The following CCDC102B variants were observed in gnomAD, a reference collection of about 807,000 sequenced individuals.
CCDC102B encodes the protein coiled-coil domain containing 102B.
CCDC102B carries 75 observed loss-of-function variants against 57.4 expected under a neutral mutation model. The observed-to-expected ratio is 1.31, with a 90% confidence interval of 1.08 to 1.58. CCDC102B has a LOEUF of 1.58. CCDC102B is among the 40% of genes most tolerant of loss of function. The pLI is 0.00. For synonymous variants in CCDC102B, 206 were observed against 201.9 expected (o/e 1.02, Z -0.17); for missense variants, 636 against 582.6 (o/e 1.09, Z -0.94).
chr18:69,009,647 A>G (rs776448454), intron 6 of CCDC102B, among the ~76,000 whole-genome samples: 2 of 151,956 alleles, frequency 1.3e-5, no homozygotes, highest in African/African-American at 2.4e-5. Flanking sequence ...TTATTTTCCA[A>G]TATTTTATGG....
upstream of CCDC102B, among the ~76,000 whole-genome samples, chr18:68,794,633 A>G (rs989749911): frequency 3.3e-5 from 5 of 152,098 alleles, no homozygotes; most frequent in African/African-American, 1.2e-4. Flanking sequence ...TAAACTTGCC[A>G]ACAAATTTTG....
chr18:68,928,415 C>T (rs113197242), intron 6 of CCDC102B, among the ~76,000 whole-genome samples: 45 of 151,930 alleles, frequency 3.0e-4, no homozygotes, highest in African/African-American at 1.1e-3. Flanking sequence ...GCAAACGAAG[C>T]TGAGGAGGAT....
chr18:68,779,554 C>T (rs529835590), intron 2 of CCDC102B, among the ~76,000 whole-genome samples: 28 of 118,456 alleles, frequency 2.4e-4, no homozygotes, highest in South Asian at 3.6e-4. Flanking sequence ...CACAACAATA[C>T]GTCATTATAT....
At chr18:68,789,476 G>T (rs575530952) in intron 2 of CCDC102B, among the ~76,000 whole-genome samples, 1 of 151,994 alleles carries the variant, frequency 6.6e-6, no homozygotes, top group Non-Finnish European at 1.5e-5. Context: ...CCAATCAGAC[G>T]TAGATTTGGT....
At chr18:68,821,781 T>C (rs2144739736) in intron 1 of CCDC102B, among the ~76,000 whole-genome samples, 1 of 152,160 alleles carries the variant, frequency 6.6e-6, no homozygotes, top group East Asian at 1.9e-4. Flanking sequence ...GAAACAAGTT[T>C]CTATCAATTT....
chr18:68,933,948 CA>C (rs1276388849), intron 6 of CCDC102B, among the ~76,000 whole-genome samples: 1 of 151,772 alleles, frequency 6.6e-6, no homozygotes, highest in Non-Finnish European at 1.5e-5. Context: ...GGTATTTATG[CA>C]TTATAATAAC....
intron 7 of CCDC102B, among the ~76,000 whole-genome samples, chr18:69,050,178 A>G (rs1223063343): frequency 6.6e-6 from 1 of 152,140 alleles, no homozygotes; most frequent in Non-Finnish European, 1.5e-5. Flanking sequence ...TTACAGACAG[A>G]TTCATTGTAA....
intron 6 of CCDC102B, among the ~76,000 whole-genome samples, chr18:68,993,717 C>T (rs1214897306): frequency 6.6e-6 from 1 of 152,146 alleles, no homozygotes; most frequent in Non-Finnish European, 1.5e-5. Flanking sequence ...TTTATCAATT[C>T]TCCCTTGATG....
intron 6 of CCDC102B, among the ~76,000 whole-genome samples, chr18:68,994,109 A>ATTG (rs10681093): frequency 0.86 from 130,447 of 151,930 alleles, 57,913 homozygotes; most frequent in Non-Finnish European, 0.97. Flanking sequence ...TGTAATTTTT[A>ATTG]TTATTTTATT....
intron 4 of CCDC102B, among the ~76,000 whole-genome samples, chr18:68,864,551 G>A (rs185942848): frequency 3.4e-4 from 51 of 151,752 alleles, no homozygotes; most frequent in African/African-American, 1.2e-3. Flanking sequence ...ATTATTTATT[G>A]TTTTAATAAT....
chr18:68,890,951 A>G lies in CCDC102B; in HGVS notation c.1054-6268A>G, dbSNP rs1041412797. Among the ~76,000 whole-genome samples, 6 of 152,126 alleles carry G rather than the reference A, an allele frequency of 3.9e-5. No individual in the cohort carries two copies. In the South Asian group the frequency reaches 1.2e-3, roughly 31 times the overall value. ...CTATTATCTGTTTATTAATCATAGGAGTGGGACTTATTTCTTTAGGAATAG... is the reference window on the plus strand; with the variant it reads ...CTATTATCTGTTTATTAATCATAGGGGTGGGACTTATTTCTTTAGGAATAG... On this transcript the variant is annotated intron_variant, in intron 5 of 7. Coordinates refer to ENST00000360242, the MANE Select transcript of CCDC102B (RefSeq NM_024781.3).
intron 1 of CCDC102B, among the ~76,000 whole-genome samples, chr18:68,828,088 T>C (rs1302140578): frequency 6.6e-6 from 1 of 151,384 alleles, no homozygotes; most frequent in Non-Finnish European, 1.5e-5. Context: ...CAAAAACAGG[T>C]AGGGCTGAAA....
intron 7 of CCDC102B, among the ~76,000 whole-genome samples, chr18:69,027,636 TTTA>T: frequency 6.6e-6 from 1 of 150,738 alleles, no homozygotes; most frequent in East Asian, 2.0e-4. Context: ...TCAGTGAAAC[TTTA>T]TTGATACATT....
At position 68,942,731 on chromosome 18, in the gene CCDC102B, C is replaced by T. The variant is rs184722161; in HGVS notation, c.1263+45303C>T. On this transcript the variant is annotated intron_variant, in intron 6 of 7. Coordinates refer to ENST00000360242, the MANE Select transcript of CCDC102B (RefSeq NM_024781.3). The stretch of plus-strand genomic sequence containing the variant: ...ACATGGAGACATTCCATTGCCCAGT[C>T]GACAAGCAGGAGACAGATGCCTTCC... 7.9e-3 allele frequency among the ~76,000 whole-genome samples: 1,200 copies of T among 152,018 alleles called. 9 individuals carry two copies. Among genetic ancestry groups the T allele is most frequent in the Non-Finnish European group, 0.013 (865 of 67,990 alleles).
intron 7 of CCDC102B, among the ~76,000 whole-genome samples, chr18:69,034,516 T>C (rs908438006): frequency 2.6e-5 from 4 of 151,984 alleles, no homozygotes; most frequent in Admixed American, 6.6e-5. Flanking sequence ...CAATTGACCA[T>C]AAATGTCAGA....
chr18:68,741,806 G>C (rs9967556), intron 2 of CCDC102B, among the ~76,000 whole-genome samples: 6,330 of 152,094 alleles, frequency 0.042, 418 homozygotes, highest in African/African-American at 0.14. Context: ...AATGGTTTGA[G>C]AGAACAGACA....
At chr18:68,932,099 C>T (rs753249660) in intron 6 of CCDC102B, among the ~76,000 whole-genome samples, 40 of 151,744 alleles carry the variant, frequency 2.6e-4, no homozygotes, top group South Asian at 1.5e-3. Context: ...TATATCCCAG[C>T]TCTGTACATC....
At chr18:68,865,507 A>G (rs2038936256) in intron 4 of CCDC102B, among the ~76,000 whole-genome samples, 1 of 152,112 alleles carries the variant, frequency 6.6e-6, no homozygotes, top group Non-Finnish European at 1.5e-5. Flanking sequence ...GAATAGGTGT[A>G]TATTTTTTAA....
At chr18:68,847,135 C>T (rs1467043489) in intron 4 of CCDC102B, among the ~76,000 whole-genome samples, 1 of 151,696 alleles carries the variant, frequency 6.6e-6, no homozygotes, top group Non-Finnish European at 1.5e-5. Flanking sequence ...ACTATTTTTA[C>T]ATGAGTTAAC....
Sources: allele counts gnomAD v4.1 joint callset (sites outside exome capture counted in the v4.1 genomes callset), GRCh38; gene constraint gnomAD v4.1.1; transcripts MANE v1.5; gene names NCBI Gene and HGNC (gene_info 2026-07-23, HGNC 2026-07-21).